The following NCSTN variants were observed in gnomAD, a reference collection of about 807,000 sequenced individuals.
The protein encoded by NCSTN is anterior pharynx-defective 2.
A neutral mutation model predicts 87.0 loss-of-function variants in NCSTN; 22 were observed. The ratio of observed to expected loss-of-function variants is 0.25; its 90% CI spans 0.18 to 0.36. The LOEUF is 0.36. Ranked by LOEUF, NCSTN falls within the 10% of genes least tolerant of loss-of-function variation. The pLI is 1.00. For synonymous variants in NCSTN, 306 were observed against 327.1 expected (o/e 0.94, Z 0.69); for missense variants, 693 against 883.3 (o/e 0.78, Z 2.73).
chr1:160,345,938 GAAAA>G (rs56358787), intron 2 of NCSTN, among the ~76,000 whole-genome samples: 12 of 59,804 alleles, frequency 2.0e-4, no homozygotes, highest in African/African-American at 5.3e-4. Context: ...GACACTGTCT[GAAAA>G]AAAAAAAAAA....
Position 160,344,791 on chromosome 1 carries a change from G to A in NCSTN, c.155G>A (p.Arg52His). 1.2e-6 allele frequency: 2 copies of A among 1,614,024 alleles called. No individual in the cohort carries two copies. Among genetic ancestry groups the A allele is most frequent in the Non-Finnish European group, 1.7e-6 (2 of 1,179,982 alleles). Residue 52 changes from arginine (R) to histidine (H), a missense_variant, in exon 2 of 17, where the codon CGC becomes CAC. Physicochemically the swap from Arg to His is conservative, Grantham distance 29. Transcript: ENST00000294785. ...IPLNKTAPCV[R>H]LLNATHQIGC... ...TTAAATAAAACAGCTCCCTGTGTTC[G>A]CCTGCTCAACGCCACTCATCAGATT...
In NCSTN at chr1:160,354,098, A is replaced by G. The variant is rs762041073; in HGVS notation, c.1180-20A>G. On this transcript the variant is annotated intron_variant, in intron 10 of 16. Transcript: ENST00000294785. ...CCATCCCCCAGCCTCCCATCAGTTA[A>G]TCTCCCTCGTACCCCCCAGGTGGAG... 6.8e-6 allele frequency: 11 copies of G among 1,612,562 alleles called. No individual in the cohort carries two copies. Among genetic ancestry groups the G allele is most frequent in the East Asian group, 2.2e-5 (1 of 44,864 alleles).
chr1:160,353,313 C>A (rs1395498135), intron 10 of NCSTN, 76 bp downstream of exon 10: 12 of 1,607,862 alleles, frequency 7.5e-6, no homozygotes, highest in Non-Finnish European at 9.3e-6. Context: ...CTGTTTCCAC[C>A]AACCCCCAGG....
At chr1:160,344,648 T>G in intron 1 of NCSTN, 74 bp from the exon 2 acceptor site, 2 of 1,592,048 alleles carry the variant, frequency 1.3e-6, no homozygotes, top group Non-Finnish European at 1.7e-6. Context: ...AAGCCATACT[T>G]CAGGTTAATG....
intron 2 of NCSTN, 98 bp downstream of exon 2, chr1:160,344,924 T>C (rs1648379349): frequency 1.1e-5 from 11 of 969,146 alleles, no homozygotes; most frequent in African/African-American, 6.4e-5. Flanking sequence ...TTGACACTTA[T>C]ATTGGACTGT....
chr1:160,353,705 C>G (rs1648991748), intron 10 of NCSTN: 1 of 985,350 alleles, frequency 1.0e-6, no homozygotes, highest in African/African-American at 1.7e-5. Context: ...TTCCAGCCTT[C>G]AGCATCATCC....
intron 2 of NCSTN, among the ~76,000 whole-genome samples, chr1:160,346,094 A>G (rs1466413322): frequency 2.0e-5 from 3 of 152,218 alleles, no homozygotes; most frequent in Non-Finnish European, 1.5e-5. Flanking sequence ...AGGTTCCATG[A>G]CACTGTGGCT....
intron 4 of NCSTN, 86 bp downstream of exon 4, chr1:160,349,756 T>A: frequency 1.3e-6 from 2 of 1,547,558 alleles, no homozygotes; most frequent in Non-Finnish European, 1.8e-6. Context: ...GGGATGTATA[T>A]GTGTTTGTGT....
In NCSTN at chr1:160,351,728, G is replaced by A. The variant is rs1271369481; in HGVS notation, c.766G>A (p.Val256Met). ...CTGTGACCCCCTGTCTGATTACAAT[G>A]TGTGGAGCATGCTAAAGCCTATAAA... ...IVCDPLSDYN[V>M]WSMLKPINTT... Residue 256 changes from valine (V) to methionine (M), a missense_variant, in exon 7 of 17, where the codon GTG becomes ATG. Physicochemically the swap from Val to Met is conservative, Grantham distance 21. Transcript: ENST00000294785. 2 of 1,612,510 alleles carry A rather than the reference G, an allele frequency of 1.2e-6. No homozygotes were observed. The highest frequency in any genetic ancestry group is 1.7e-6 in the Non-Finnish European group (2 of 1,178,492).
At chr1:160,344,393 A>C in intron 1 of NCSTN, 1 of 1,284,596 alleles carries the variant, frequency 7.8e-7, no homozygotes, top group South Asian at 1.6e-5. Flanking sequence ...ATATACAAGC[A>C]GAAGTGTGAT....
At chr1:160,356,555 AC>A in intron 14 of NCSTN, 44 bp from the exon 15 acceptor site, 2 of 1,611,212 alleles carry the variant, frequency 1.2e-6, no homozygotes, top group South Asian at 1.1e-5. Context: ...TATTTCACCC[AC>A]CATCCACCCA....
Position 160,357,054 on chromosome 1 carries a change from C to T in NCSTN, c.1808C>T (p.Ser603Leu). The T allele has an allele frequency of 6.2e-7, 1 of 1,613,828 alleles. No homozygotes were observed. The highest frequency in any genetic ancestry group is 2.2e-5 in the East Asian group (1 of 44,882). ...PSENKDLYEY[S>L]WVQGPLHSNE... is the part of the protein sequence containing the mutation. ...TCTTCTGTGCAGCTGTATGAGTACT[C>T]ATGGGTCCAGGGCCCTTTGCATTCT... Residue 603 changes from serine (S) to leucine (L), a missense_variant, in exon 16 of 17, where the codon TCA (serine) becomes TTA (leucine). This residue lies in a region of NCSTN where 216 missense variants were observed against 311.7 expected (regional missense o/e 0.69). Coordinates refer to ENST00000294785, the MANE Select transcript of NCSTN (RefSeq NM_015331.3).
intron 2 of NCSTN, chr1:160,345,179 C>T (rs1356467431): frequency 3.6e-5 from 13 of 358,210 alleles, no homozygotes; most frequent in Non-Finnish European, 5.3e-5. Flanking sequence ...TCTGGTGGCC[C>T]GAGCACTAAG....
At chr1:160,356,523 G>A in intron 14 of NCSTN, 77 bp from the exon 15 acceptor site, 3 of 1,575,378 alleles carry the variant, frequency 1.9e-6, no homozygotes, top group South Asian at 2.2e-5. Context: ...CTTTCTGGCT[G>A]CTGCCAATCT....
intron 5 of NCSTN, among the ~76,000 whole-genome samples, chr1:160,350,637 A>T (rs1199124879): frequency 6.6e-6 from 1 of 152,128 alleles, no homozygotes; most frequent in African/African-American, 2.4e-5. Context: ...TTAGACTAGA[A>T]GAAAATATAA....
At chr1:160,357,612 G>A (rs1649193999) in intron 16 of NCSTN, among the ~76,000 whole-genome samples, 1 of 152,150 alleles carries the variant, frequency 6.6e-6, no homozygotes, top group Admixed American at 6.5e-5. Context: ...CACCATGTTG[G>A]TCAGGCTAGT....
intron 10 of NCSTN, 154 bp downstream of exon 10, chr1:160,353,391 T>C (rs1648971116): frequency 6.6e-7 from 1 of 1,524,836 alleles, no homozygotes; most frequent in South Asian, 1.2e-5. Context: ...CCACAGCTGT[T>C]GTTGCTGCTG....
In NCSTN at chr1:160,351,738, T is replaced by C. The variant is rs931337815; in HGVS notation, c.776T>C (p.Met259Thr). The C allele has an allele frequency of 6.2e-7, 1 of 1,613,374 alleles. No homozygotes were observed. The highest frequency in any genetic ancestry group is 2.2e-5 in the East Asian group (1 of 44,884). ...DPLSDYNVWS[M>T]LKPINTTGTL... The stretch of plus-strand genomic sequence containing the variant: ...CTGTCTGATTACAATGTGTGGAGCA[T>C]GCTAAAGCCTATAAATACAACTGGG... The change falls in exon 7 of 17, where the codon ATG becomes ACG. Residue 259 changes from methionine to threonine, a missense_variant. Met to Thr is a moderately conservative substitution (Grantham distance 81, BLOSUM62 -1). Coordinates refer to ENST00000294785, the MANE Select transcript of NCSTN (RefSeq NM_015331.3).
chr1:160,347,956 C>T (rs1436149879), intron 2 of NCSTN, among the ~76,000 whole-genome samples: 5 of 152,182 alleles, frequency 3.3e-5, no homozygotes, highest in Non-Finnish European at 7.3e-5. Context: ...TGTTCCTTTT[C>T]CCATGTTTTA....
Sources: allele counts gnomAD v4.1 joint callset (sites outside exome capture counted in the v4.1 genomes callset), GRCh38; gene constraint gnomAD v4.1.1; regional missense constraint gnomAD v4.1.1; transcripts MANE v1.5; gene names NCBI Gene and HGNC (gene_info 2026-07-23, HGNC 2026-07-21).